The following ARID1A variants were observed in gnomAD, a reference collection of about 807,000 sequenced individuals.
ARID1A encodes AT-rich interactive domain-containing protein 1A.
ARID1A carries 20 observed loss-of-function variants against 212.6 expected under a neutral mutation model. The ratio of observed to expected loss-of-function variants is 0.09; its 90% CI spans 0.07 to 0.14. The LOEUF (loss-of-function observed/expected upper bound fraction) is 0.14, where lower values mean the gene tolerates loss of function less well. Among genes scored for constraint, ARID1A ranks in the 10% least tolerant of loss-of-function variants. The pLI is 1.00. For missense variants in ARID1A, 2,587 were observed against 3,059.0 expected (o/e 0.85, Z 3.64); for synonymous variants, 1,376 against 1,222.1 (o/e 1.13, Z -2.63).
intron 1 of ARID1A, among the ~76,000 whole-genome samples, chr1:26,728,156 T>C (rs1011667990): frequency 2.0e-5 from 3 of 152,206 alleles, no homozygotes; most frequent in African/African-American, 7.2e-5. Flanking sequence ...ACTATGACTT[T>C]GTACAGTTTA....
At chr1:26,706,420 GT>G (rs2080392758) in intron 1 of ARID1A, among the ~76,000 whole-genome samples, 1 of 152,144 alleles carries the variant, frequency 6.6e-6, no homozygotes, top group Non-Finnish European at 1.5e-5. Flanking sequence ...GGGGGTTGTT[GT>G]GATATCAGTC....
At chr1:26,728,428 G>T (rs1557590306) in intron 1 of ARID1A, among the ~76,000 whole-genome samples, 1 of 152,170 alleles carries the variant, frequency 6.6e-6, no homozygotes, top group African/African-American at 2.4e-5. Context: ...AGGTTTTGTT[G>T]TTGTTTAAGG....
rs761025553 is a variant in ARID1A, at chr1:26,696,953, C to T, written c.550C>T (p.Leu184=). The T allele has an allele frequency of 2.3e-5, 34 of 1,469,648 alleles. No homozygotes were observed. Among genetic ancestry groups the T allele is most frequent in the Middle Eastern group, 3.6e-4 (2 of 5,590 alleles). 91.0% of individuals were successfully genotyped at this position (1,469,648 alleles called of 1,614,324 possible). Residue 184 remains leucine, a synonymous_variant, in exon 1 of 20, where the codon CTG becomes TTG. Transcript: ENST00000324856. ...ACAACAAAGCCCTGGCCTGGCAGCGCTGCAGAGCGGCGGCGGCGGGGGCCT... is the reference window on the plus strand; with the variant it reads ...ACAACAAAGCCCTGGCCTGGCAGCGTTGCAGAGCGGCGGCGGCGGGGGCCT... ...GGQQSPGLAA[L]QSGGGGGLEP... is the part of the protein sequence containing the mutation.
chr1:26,753,046 A>ACCTGC (rs1158513224), intron 4 of ARID1A: 1 of 152,160 alleles, frequency 6.6e-6, no homozygotes, highest in Admixed American at 6.6e-5. Flanking sequence ...TTGCCATTTA[A>ACCTGC]CCTGCTCAGC....
At position 26,731,139 on chromosome 1, in the gene ARID1A, TC is replaced by T; in HGVS notation, c.1351-11del. 1 of 1,609,348 alleles carries T rather than the reference TC, an allele frequency of 6.2e-7. No homozygotes were observed. The highest frequency in any genetic ancestry group is 8.5e-7 in the Non-Finnish European group (1 of 1,175,840). Reference sequence around the variant, plus strand: ...GAGAGTCAGTGCTAAAAGTATATTTTCCTTTCCTACAGATTCCTCCTTATGG... The same window carrying T: ...GAGAGTCAGTGCTAAAAGTATATTTTCTTTCCTACAGATTCCTCCTTATGG... On this transcript the variant is annotated splice_polypyrimidine_tract_variant and intron_variant, in intron 2 of 19. Transcript: ENST00000324856.
chr1:26,768,522 G>A (rs533865120), intron 11 of ARID1A, among the ~76,000 whole-genome samples: 3 of 152,320 alleles, frequency 2.0e-5, no homozygotes, highest in South Asian at 2.1e-4. Context: ...CTGCAAGATG[G>A]TACAGAGGCA....
At chr1:26,762,432 T>G in intron 7 of ARID1A, 113 bp downstream of exon 7, 1 of 1,252,140 alleles carries the variant, frequency 8.0e-7, no homozygotes, top group Non-Finnish European at 1.1e-6. Flanking sequence ...GTCCTTTGCC[T>G]TTAATCCACC....
At chr1:26,728,702 T>C (rs2080643091) in intron 1 of ARID1A, among the ~76,000 whole-genome samples, 1 of 152,214 alleles carries the variant, frequency 6.6e-6, no homozygotes, top group Admixed American at 6.5e-5. Context: ...GACCCATGCC[T>C]ACTCTCCATC....
chr1:26,742,221 G>T (rs1043171875), intron 4 of ARID1A, among the ~76,000 whole-genome samples: 1 of 152,170 alleles, frequency 6.6e-6, no homozygotes, highest in Non-Finnish European at 1.5e-5. Context: ...AATGTCAATG[G>T]ATTTCCATTT....
chr1:26,767,990 A>G lies in ARID1A; in HGVS notation c.3189A>G (p.Gly1063=), dbSNP rs780909935. The G allele has an allele frequency of 9.3e-6, 15 of 1,613,818 alleles. No homozygotes were observed. Among genetic ancestry groups the G allele is most frequent in the East Asian group, 2.2e-5 (1 of 44,882 alleles). ...RLYVSVKEIG[G]LTQVNKNKKW... The stretch of plus-strand genomic sequence containing the variant: ...ATGTGTCTGTGAAGGAGATTGGTGG[A>G]TTGACTCAGGTGAGTGGGCGCCTGA... Residue 1063 remains glycine (G), a synonymous_variant, in exon 11 of 20, where the codon GGA becomes GGG. Transcript: ENST00000324856.
intron 4 of ARID1A, among the ~76,000 whole-genome samples, chr1:26,741,536 G>T (rs2080788523): frequency 6.6e-6 from 1 of 152,196 alleles, no homozygotes; most frequent in South Asian, 2.1e-4. Flanking sequence ...AGAATATTAG[G>T]AGGGTATAAA....
chr1:26,778,243 G>A (rs1462796469), intron 19 of ARID1A: 1 of 150,880 alleles, frequency 6.6e-6, no homozygotes. Context: ...CAGCCTGGAT[G>A]ACAGAGTGAG....
Position 26,771,625 on chromosome 1 carries a change from G to A in ARID1A, c.3406+299G>A, listed in dbSNP as rs558044934. 3.7e-4 allele frequency: 157 copies of A among 425,446 alleles called. No individual in the cohort carries two copies. The highest frequency in any genetic ancestry group is 6.5e-4 in the Non-Finnish European group (150 of 232,144). The allele number at this position is 425,446 out of a possible 1,614,324, so 26.4% of individuals were successfully genotyped here. Reference sequence around the variant, plus strand: ...GAGGAGTCGGTGGAACTTATAAATGGCAGCAAGGCAGGGCCATCTGGGAGC... The same window carrying A: ...GAGGAGTCGGTGGAACTTATAAATGACAGCAAGGCAGGGCCATCTGGGAGC... On this transcript the variant is annotated intron_variant, in intron 12 of 19. Transcript: ENST00000324856. The surrounding 1 kb of genome is among the most constrained non-coding windows in gnomAD (Gnocchi z 5.4).
chr1:26,769,042 A>C (rs2081062514), intron 11 of ARID1A: 2 of 152,262 alleles, frequency 1.3e-5, no homozygotes, highest in Non-Finnish European at 2.9e-5. Context: ...AAACAAAACA[A>C]AATAAGACAC....
Position 26,775,198 on chromosome 1 carries a change from G to A in ARID1A, c.4971G>A (p.Arg1657=), listed in dbSNP as rs762404199. 3.1e-5 allele frequency: 50 copies of A among 1,596,104 alleles called. No individual in the cohort carries two copies. Among genetic ancestry groups the A allele is most frequent in the Non-Finnish European group, 4.2e-5 (49 of 1,172,656 alleles). The change falls in exon 18 of 20, where the codon AGG becomes AGA. Residue 1657 remains arginine, a synonymous_variant. Coordinates refer to ENST00000324856, the MANE Select transcript of ARID1A (RefSeq NM_006015.6). ...CACAGCCTGTGTTGAAGCAGAGGAG[G>A]CGGCTCACAATGAAAGACATTGGTA... The part of the protein sequence containing the change: ...EATQPVLKQR[R]RLTMKDIGTP...
intron 1 of ARID1A, among the ~76,000 whole-genome samples, chr1:26,728,385 G>A (rs762465069): frequency 1.3e-5 from 2 of 152,158 alleles, no homozygotes; most frequent in East Asian, 1.9e-4. Flanking sequence ...TACAGAGAAC[G>A]AATTGTTTGG....
At chr1:26,749,813 T>C (rs895006640) in intron 4 of ARID1A, among the ~76,000 whole-genome samples, 3 of 152,230 alleles carry the variant, frequency 2.0e-5, no homozygotes, top group Non-Finnish European at 4.4e-5. Flanking sequence ...GTTGTACTTC[T>C]GAGTTTTAAA....
In ARID1A at chr1:26,779,343, G is replaced by A. The variant is rs2124139397; in HGVS notation, c.5445G>A (p.Lys1815=). 1 of 1,614,246 alleles carries A rather than the reference G, an allele frequency of 6.2e-7. No homozygotes were observed. The change falls in exon 20 of 20, where the codon AAG becomes AAA. Residue 1815 remains lysine, a synonymous_variant. Coordinates refer to ENST00000324856, the MANE Select transcript of ARID1A (RefSeq NM_006015.6). ...GTAAGTTTGACAAGCTTCCAGTAAA[G>A]ATCGTACAGAAGAATGATCCATTTG... ...LISKFDKLPV[K]IVQKNDPFVV... is the part of the protein sequence containing the mutation.
intron 1 of ARID1A, 74 bp downstream of exon 1, chr1:26,697,614 C>T (rs2124745757): frequency 8.0e-7 from 1 of 1,243,884 alleles, no homozygotes; most frequent in South Asian, 2.8e-5. Flanking sequence ...GTGAGCGGGC[C>T]ACAGCCTTGG....
Sources: allele counts gnomAD v4.1 joint callset (sites outside exome capture counted in the v4.1 genomes callset), GRCh38; gene constraint gnomAD v4.1.1; non-coding constraint Gnocchi (gnomAD v3.1); transcripts MANE v1.5; gene names NCBI Gene and HGNC (gene_info 2026-07-23, HGNC 2026-07-21).